The following RAD51B variants were observed in gnomAD, a reference collection of about 807,000 sequenced individuals.
RAD51B encodes DNA repair protein RAD51 homolog 2.
Under a neutral mutation model 42.2 loss-of-function variants are expected in RAD51B, and 38 were observed. The ratio of observed to expected loss-of-function variants is 0.90; its 90% CI spans 0.70 to 1.18. The LOEUF (loss-of-function observed/expected upper bound fraction) is 1.18, where lower values mean the gene tolerates loss of function less well. RAD51B is among the 50% of genes most tolerant of loss of function. RAD51B has a pLI of 0.00. For synonymous variants in RAD51B, 154 were observed against 145.2 expected (o/e 1.06, Z -0.43); for missense variants, 373 against 400.7 (o/e 0.93, Z 0.59).
At chr14:68,036,175 A>G (rs1368355872) in intron 7 of RAD51B, among the ~76,000 whole-genome samples, 1 of 152,236 alleles carries the variant, frequency 6.6e-6, no homozygotes, top group Non-Finnish European at 1.5e-5. Context: ...TAGCCTCACA[A>G]TATTCTAGAG....
At chr14:67,975,265 C>CT (rs2074971597) in intron 7 of RAD51B, among the ~76,000 whole-genome samples, 1 of 152,128 alleles carries the variant, frequency 6.6e-6, no homozygotes, top group South Asian at 2.1e-4. Context: ...CCACCATCTT[C>CT]TTTGCTGGCT....
intron 7 of RAD51B, among the ~76,000 whole-genome samples, chr14:68,082,487 A>G (rs1019885872): frequency 4.0e-5 from 6 of 148,794 alleles, no homozygotes; most frequent in East Asian, 1.9e-4. Flanking sequence ...ATATATATAT[A>G]TGTATTTATG....
At chr14:68,605,039 C>T (rs543964364) in intron 10 of RAD51B, among the ~76,000 whole-genome samples, 1 of 152,322 alleles carries the variant, frequency 6.6e-6, no homozygotes, top group African/African-American at 2.4e-5. Flanking sequence ...GGCGGTGCTG[C>T]AGCCTCCCTC....
rs550759458 is a variant in RAD51B at position 68,167,385 on chromosome 14, C to A, written c.757-124499C>A. On this transcript the variant is annotated intron_variant, in intron 7 of 10. Transcript: ENST00000471583. The stretch of plus-strand genomic sequence containing the variant: ...AACTCCCTCCTTGTATCCCATCATA[C>A]CCTGTATATACTTCTTACATAGTTC... 5.3e-5 allele frequency among the ~76,000 whole-genome samples: 8 copies of A among 152,288 alleles called. No individual in the cohort carries two copies. In the East Asian group the frequency reaches 1.4e-3, roughly 26 times the overall value.
intron 7 of RAD51B, among the ~76,000 whole-genome samples, chr14:67,973,553 G>A (rs1472420208): frequency 6.6e-6 from 1 of 151,962 alleles, no homozygotes; most frequent in Admixed American, 6.6e-5. Flanking sequence ...TTGCTGGAGG[G>A]GAAAAAGAAA....
At chr14:67,986,729 T>C (rs1036998730) in intron 7 of RAD51B, among the ~76,000 whole-genome samples, 1 of 152,196 alleles carries the variant, frequency 6.6e-6, no homozygotes, top group African/African-American at 2.4e-5. Context: ...TTGTGGCTGC[T>C]TCTATCTATG....
In RAD51B at chr14:67,863,358, C is replaced by T. The variant is rs572117157; in HGVS notation, c.316-1645C>T. On this transcript the variant is annotated intron_variant, in intron 4 of 10. Transcript: ENST00000471583. ...CAGTGGTTCTCAAAGTATATAATAACATCAGCATTACCTGGGAACTTACTA... is the reference window on the plus strand; with the variant it reads ...CAGTGGTTCTCAAAGTATATAATAATATCAGCATTACCTGGGAACTTACTA... Among the ~76,000 whole-genome samples, 10 of 152,100 alleles carry T rather than the reference C, an allele frequency of 6.6e-5. No individual in the cohort carries two copies. The East Asian group carries it at 1.9e-3, about 29-fold the overall frequency.
At chr14:68,334,869 A>C (rs1467717979) in intron 8 of RAD51B, among the ~76,000 whole-genome samples, 1 of 146,842 alleles carries the variant, frequency 6.8e-6, no homozygotes, top group Non-Finnish European at 1.5e-5. Flanking sequence ...ATTTTATGAT[A>C]TATAGGATAG....
rs1312407823 is a variant in RAD51B, at chr14:68,426,019, T to C, written c.957+14492T>C. On this transcript the variant is annotated intron_variant, in intron 9 of 10. Coordinates refer to ENST00000471583, the MANE Select transcript of RAD51B (RefSeq NM_133510.4). ...TCCTTCCTTCCTTCCTTTCTTTCTT[T>C]CTTTCTTTCTCTCTTTCTTTCTCTC... Among the ~76,000 whole-genome samples the C allele has an allele frequency of 7.6e-3, 839 of 110,888 alleles. 7 individuals are homozygous for C. Among genetic ancestry groups the C allele is most frequent in the African/African-American group, 0.023 (777 of 33,178 alleles). 72.7% of individuals were successfully genotyped at this position (110,888 alleles called of 152,430 possible).
In RAD51B at chr14:68,638,735, C is replaced by A. The variant is rs76382159; in HGVS notation, c.1037-12046C>A. Among the ~76,000 whole-genome samples, 1,274 of 152,174 alleles carry A rather than the reference C, an allele frequency of 8.4e-3. 14 individuals carry two copies. The highest frequency in any genetic ancestry group is 0.029 in the African/African-American group (1,211 of 41,486). On this transcript the variant is annotated intron_variant, in intron 10 of 11. Coordinates refer to the RAD51B transcript ENST00000488612. The stretch of plus-strand genomic sequence containing the variant: ...AAACCTGCGCAGCACTGCAGTGCAG[C>A]GCAACTGATCAGTCCCACGTGACGC...
intron 7 of RAD51B, among the ~76,000 whole-genome samples, chr14:68,256,955 C>T (rs143924090): frequency 1.2e-3 from 186 of 152,244 alleles, no homozygotes; most frequent in African/African-American, 3.7e-3. Flanking sequence ...CACTTTATTT[C>T]TGGAGTATAG....
intron 8 of RAD51B, chr14:68,306,525 C>A: frequency 4.8e-6 from 2 of 415,934 alleles, no homozygotes; most frequent in Non-Finnish European, 9.8e-6. Flanking sequence ...AGCTGAACAG[C>A]TCTCTCAGAG....
At chr14:67,846,429 C>T (rs1197965231) in intron 4 of RAD51B, among the ~76,000 whole-genome samples, 5 of 152,050 alleles carry the variant, frequency 3.3e-5, no homozygotes, top group East Asian at 3.9e-4. Context: ...TGGGTGCCAG[C>T]GATGGAGGGG....
intron 1 of RAD51B, among the ~76,000 whole-genome samples, chr14:67,822,598 T>C (rs1203645153): frequency 5.3e-5 from 8 of 151,550 alleles, no homozygotes; most frequent in Non-Finnish European, 1.2e-4. Context: ...TGGTGCACGC[T>C]TGTGGTCCCA....
intron 9 of RAD51B, among the ~76,000 whole-genome samples, chr14:68,447,626 A>G (rs1713424177): frequency 6.6e-6 from 1 of 152,220 alleles, no homozygotes; most frequent in South Asian, 2.1e-4. Context: ...TTTCTGGCTT[A>G]TAAGGCTCTT....
chr14:68,232,035 C>T (rs1194352071), intron 7 of RAD51B, among the ~76,000 whole-genome samples: 3 of 152,056 alleles, frequency 2.0e-5, no homozygotes, highest in African/African-American at 7.2e-5. Context: ...GGGCAGTGTA[C>T]ACAAAGTAAA....
intron 5 of RAD51B, among the ~76,000 whole-genome samples, chr14:67,874,671 G>GT (rs752714176): frequency 3.7e-4 from 55 of 150,658 alleles, no homozygotes; most frequent in East Asian, 1.6e-3. Flanking sequence ...TTTTTTTGTT[G>GT]TTTTTTTTTA....
At chr14:68,007,161 A>G (rs1187791108) in intron 7 of RAD51B, among the ~76,000 whole-genome samples, 1 of 152,164 alleles carries the variant, frequency 6.6e-6, no homozygotes, top group Admixed American at 6.5e-5. Flanking sequence ...TTTACTTAGT[A>G]TAATGTTTTC....
At chr14:68,095,429 A>G (rs553060939) in intron 7 of RAD51B, among the ~76,000 whole-genome samples, 11 of 152,312 alleles carry the variant, frequency 7.2e-5, no homozygotes, top group African/African-American at 2.6e-4. Context: ...GTGTTACAAT[A>G]TAAAGAAGTC....
Sources: gnomAD v4.1 joint callset for allele counts (sites outside exome capture counted in the v4.1 genomes callset) on GRCh38, gnomAD v4.1.1 for gene constraint, MANE v1.5 for transcripts, NCBI Gene and HGNC (gene_info 2026-07-23, HGNC 2026-07-21) for gene names.